The following POM121C variants were observed in gnomAD, a reference collection of about 807,000 sequenced individuals.
The protein encoded by POM121C is nuclear envelope pore membrane protein POM 121C.
Under a neutral mutation model 66.4 loss-of-function variants are expected in POM121C, and 20 were observed. The observed-to-expected ratio is 0.30, with a 90% CI of 0.21 to 0.44. The LOEUF is 0.44. POM121C is among the 20% of genes least tolerant of loss of function. The pLI is 1.00. For missense variants in POM121C, 580 were observed against 1,225.7 expected (o/e 0.47, Z 7.87); for synonymous variants, 286 against 528.0 (o/e 0.54, Z 6.28).
intron 1 of POM121C, among the ~76,000 whole-genome samples, chr7:75,475,471 A>G (rs1303123769): frequency 6.6e-6 from 1 of 151,984 alleles, no homozygotes; most frequent in Admixed American, 6.6e-5. Context: ...AAAGCAGACA[A>G]CCTAATAAGG....
At chr7:75,480,989 A>G (rs1417644138) in intron 1 of POM121C, among the ~76,000 whole-genome samples, 2 of 149,950 alleles carry the variant, frequency 1.3e-5, no homozygotes, top group African/African-American at 2.4e-5. Flanking sequence ...TATAGGGTAA[A>G]GAGGCATGAC....
At chr7:75,467,464 G>T (rs1195821170) in intron 3 of POM121C, among the ~76,000 whole-genome samples, 5 of 147,730 alleles carry the variant, frequency 3.4e-5, no homozygotes, top group Non-Finnish European at 7.4e-5. Flanking sequence ...CCCTGGAGGC[G>T]GAGCTTGCAG....
intron 5 of POM121C, 150 bp downstream of exon 5, chr7:75,440,804 G>C (rs1286047915): frequency 1.8e-5 from 24 of 1,323,898 alleles, no homozygotes; most frequent in Non-Finnish European, 2.4e-5. Context: ...TAAAACCCTT[G>C]TTATTAGGTT....
intron 3 of POM121C, among the ~76,000 whole-genome samples, chr7:75,455,113 C>G (rs1408835965): frequency 6.6e-6 from 1 of 152,092 alleles, no homozygotes; most frequent in Non-Finnish European, 1.5e-5. Flanking sequence ...GACCCGATGA[C>G]GAAGAGCCTT....
chr7:75,467,483 G>C (rs1279361184), intron 3 of POM121C, among the ~76,000 whole-genome samples: 14 of 125,594 alleles, frequency 1.1e-4, no homozygotes, highest in African/African-American at 3.6e-4. Context: ...AGTGAGCCGA[G>C]AATGCGCCAC....
At chr7:75,427,576 A>G (rs1790005412) in intron 7 of POM121C, among the ~76,000 whole-genome samples, 1 of 150,988 alleles carries the variant, frequency 6.6e-6, no homozygotes, top group Non-Finnish European at 1.5e-5. Flanking sequence ...TTGACAGCAA[A>G]GATGGTGTTT....
intron 3 of POM121C, 55 bp downstream of exon 3, chr7:75,474,649 A>T: frequency 2.8e-6 from 2 of 702,858 alleles, no homozygotes; most frequent in Non-Finnish European, 4.9e-6. Context: ...CTCTTTAGTC[A>T]CTCCCAAAGG....
intron 3 of POM121C, among the ~76,000 whole-genome samples, chr7:75,458,738 A>C (rs1340436059): frequency 1.3e-5 from 2 of 152,122 alleles, no homozygotes; most frequent in Non-Finnish European, 2.9e-5. Flanking sequence ...CATAACACTC[A>C]AAGTGTCCAG....
At chr7:75,437,494 T>C in intron 7 of POM121C, 21 bp downstream of exon 7, 3 of 1,594,776 alleles carry the variant, frequency 1.9e-6, no homozygotes, top group Non-Finnish European at 2.6e-6. Context: ...GCCCCCCACA[T>C]TACAAGAGCT....
At chr7:75,443,122 C>T (rs200943863) in intron 3 of POM121C, among the ~76,000 whole-genome samples, 10,222 of 126,816 alleles carry the variant, frequency 0.081, no homozygotes, top group South Asian at 0.14. Flanking sequence ...TGAGTTTTCC[C>T]CCCCACTTCC....
intron 7 of POM121C, among the ~76,000 whole-genome samples, chr7:75,428,349 A>G (rs1790041156): frequency 6.6e-6 from 1 of 152,212 alleles, no homozygotes; most frequent in Non-Finnish European, 1.5e-5. Flanking sequence ...CATGTTGGCC[A>G]GGATGGTCTT....
Position 75,441,081 on chromosome 7 carries a change from G to A in POM121C, c.100C>T (p.Pro34Ser). ...EQIISSTLSS[P>S]SSNAPDPCAK... ...CATGGGTCTGGGGCATTACTTGATG[G>A]TGACGACAGTGTTGAGCTGATTATC... is the stretch of plus-strand genomic sequence containing the variant. The change falls in exon 5 of 15, where the codon CCA becomes TCA. Residue 34 changes from proline (P) to serine (S), a missense_variant. Pro to Ser is a moderately conservative substitution (Grantham distance 74, BLOSUM62 -1). Transcript: ENST00000615331. The A allele has an allele frequency of 6.2e-7, 1 of 1,613,916 alleles. No homozygotes were observed. Among genetic ancestry groups the A allele is most frequent in the Non-Finnish European group, 8.5e-7 (1 of 1,179,870 alleles).
At chr7:75,430,943 G>T (rs1323649786) in intron 7 of POM121C, among the ~76,000 whole-genome samples, 2 of 151,802 alleles carry the variant, frequency 1.3e-5, no homozygotes, top group Non-Finnish European at 2.9e-5. Context: ...GGGTGTGGTG[G>T]CAGGTGCCCG....
intron 1 of POM121C, among the ~76,000 whole-genome samples, chr7:75,479,641 A>G (rs1792235689): frequency 6.7e-6 from 1 of 148,222 alleles, no homozygotes; most frequent in Non-Finnish European, 1.5e-5. Context: ...ATAAATAAAT[A>G]AATAAATAAA....
rs1554472082 is a variant in POM121C at position 75,429,461 on chromosome 7, G to A, written c.481-3008C>T. On this transcript the variant is annotated intron_variant, in intron 7 of 14. Coordinates refer to ENST00000615331, the MANE Select transcript of POM121C (RefSeq NM_001099415.3). Reference sequence around the variant, plus strand: ...AGCCTGGCCAACAAGGTGAAATCCTGTCTCTACTAAAACTCCAAAATTAGC... The same window carrying A: ...AGCCTGGCCAACAAGGTGAAATCCTATCTCTACTAAAACTCCAAAATTAGC... Among the ~76,000 whole-genome samples, 3 of 152,060 alleles carry A rather than the reference G, an allele frequency of 2.0e-5. No individual in the cohort carries two copies. In the South Asian group the frequency reaches 6.2e-4, roughly 32 times the overall value.
In POM121C at chr7:75,433,639, G is replaced by A. The variant is rs1416467470; in HGVS notation, c.480+3876C>T. On this transcript the variant is annotated intron_variant, in intron 7 of 14. Transcript: ENST00000615331. ...CTCCCAAAGTGCTGGGATTACAGGC[G>A]TGAGCCACTGTGCCTGGCCAAAAGA... is the stretch of plus-strand genomic sequence containing the variant. Among the ~76,000 whole-genome samples the A allele has an allele frequency of 6.6e-4, 101 of 152,300 alleles. 1 individual carries two copies. The highest frequency in any genetic ancestry group is 2.2e-3 in the African/African-American group (92 of 41,562).
rs1584649094 is a variant in POM121C, at chr7:75,424,651, G to T, written c.769-23C>A. ...AGGCTACCAAAGAGAAAAAGAAGAA[G>T]TCAGGCCAATCAGAAAAAACGGGAA... On this transcript the variant is annotated intron_variant, in intron 10 of 14. Coordinates refer to ENST00000615331, the MANE Select transcript of POM121C (RefSeq NM_001099415.3). 6 of 1,604,084 alleles carry T rather than the reference G, an allele frequency of 3.7e-6. 1 individual carries two copies. The Admixed American group carries it at 5.0e-5, about 13-fold the overall frequency.
chr7:75,452,406 G>C (rs1332444814), intron 3 of POM121C, among the ~76,000 whole-genome samples: 2 of 151,982 alleles, frequency 1.3e-5, no homozygotes, highest in Non-Finnish European at 2.9e-5. Flanking sequence ...GGCAGAGGAG[G>C]AGCCGAGATC....
Position 75,424,533 on chromosome 7 carries a change from G to A in POM121C, c.864C>T (p.Asp288=), listed in dbSNP as rs782560924. 2.9e-5 allele frequency: 47 copies of A among 1,613,712 alleles called. No homozygotes were observed. Among genetic ancestry groups the A allele is most frequent in the Non-Finnish European group, 3.8e-5 (45 of 1,179,746 alleles). ...SLQWFNQALE[D]KSDAASNSVT... ...ACGATCTGTGCTCCTTACCACTCTT[G>A]TCCTCCAAGGCCTGGTTGAACCACT... Residue 288 remains aspartate (D), a synonymous_variant, in exon 11 of 15, where the codon GAC becomes GAT. Transcript: ENST00000615331.
Sources: allele counts gnomAD v4.1 joint callset (sites outside exome capture counted in the v4.1 genomes callset), GRCh38; gene constraint gnomAD v4.1.1; transcripts MANE v1.5; gene names NCBI Gene and HGNC (gene_info 2026-07-23, HGNC 2026-07-21).